KCTD16: variants seen among roughly 807,000 people sequenced by gnomAD.
KCTD16 encodes the protein potassium channel tetramerization domain containing 16.
KCTD16 carries 13 observed loss-of-function variants against 33.2 expected under a neutral mutation model. The ratio of observed to expected loss-of-function variants is 0.39; its 90% CI spans 0.25 to 0.62. KCTD16 has a LOEUF of 0.62. Among genes scored for constraint, KCTD16 ranks in the 20% least tolerant of loss-of-function variants. The pLI is 0.50. For missense variants in KCTD16, 441 were observed against 525.1 expected (o/e 0.84, Z 1.57); for synonymous variants, 197 against 195.3 (o/e 1.01, Z -0.07).
intron 3 of KCTD16, among the ~76,000 whole-genome samples, chr5:144,298,221 G>T (rs1409898938): frequency 6.6e-6 from 1 of 152,176 alleles, no homozygotes; most frequent in Non-Finnish European, 1.5e-5. Flanking sequence ...AATCCGTGAG[G>T]CCAAGAGTCC....
intron 3 of KCTD16, among the ~76,000 whole-genome samples, chr5:144,362,224 G>C (rs1361096009): frequency 6.6e-6 from 1 of 152,136 alleles, no homozygotes; most frequent in Non-Finnish European, 1.5e-5. Context: ...TCAGGGCCCA[G>C]TAGGCAAAGT....
chr5:144,409,506 G>C (rs1030193008), intron 3 of KCTD16, among the ~76,000 whole-genome samples: 4 of 151,996 alleles, frequency 2.6e-5, no homozygotes, highest in Non-Finnish European at 5.9e-5. Flanking sequence ...ACAGCAATGA[G>C]CAAGACCATC....
chr5:144,410,518 G>GA (rs1752910261), intron 3 of KCTD16, among the ~76,000 whole-genome samples: 1 of 152,048 alleles, frequency 6.6e-6, no homozygotes, highest in Non-Finnish European at 1.5e-5. Flanking sequence ...ACTAATACTA[G>GA]ATTGTACAGT....
chr5:144,424,991 TA>T (rs1430567513), intron 3 of KCTD16, among the ~76,000 whole-genome samples: 1 of 152,060 alleles, frequency 6.6e-6, no homozygotes. Context: ...TCCCAAATCT[TA>T]ACTCATTCAA....
intron 3 of KCTD16, among the ~76,000 whole-genome samples, chr5:144,236,512 GTTATAGCTCTC>G (rs1754258328): frequency 6.6e-6 from 1 of 152,054 alleles, no homozygotes; most frequent in African/African-American, 2.4e-5. Flanking sequence ...TAAAAATATG[GTTATAGCTCTC>G]TTATAGTAAT....
chr5:144,244,755 C>T (rs73310791), intron 3 of KCTD16, among the ~76,000 whole-genome samples: 7,987 of 152,170 alleles, frequency 0.052, 631 homozygotes, highest in African/African-American at 0.17. Flanking sequence ...CTGCCAGGAG[C>T]CTTTTGTGGT....
At chr5:144,423,029 C>T (rs1005584594) in intron 3 of KCTD16, among the ~76,000 whole-genome samples, 1 of 152,044 alleles carries the variant, frequency 6.6e-6, no homozygotes, top group African/African-American at 2.4e-5. Flanking sequence ...ATTTGAGTCA[C>T]TTGAATGACA....
chr5:144,292,735 C>G (rs531837597), intron 3 of KCTD16, among the ~76,000 whole-genome samples: 23 of 152,244 alleles, frequency 1.5e-4, no homozygotes, highest in African/African-American at 5.5e-4. Context: ...GGAGAAGAAG[C>G]TGAGAGTTAG....
chr5:144,354,275 A>G (rs1399547265), intron 3 of KCTD16, among the ~76,000 whole-genome samples: 2 of 152,188 alleles, frequency 1.3e-5, no homozygotes, highest in Non-Finnish European at 2.9e-5. Context: ...TAAGTTTATT[A>G]TATATGTGTA....
intron 3 of KCTD16, among the ~76,000 whole-genome samples, chr5:144,390,335 T>C (rs539649325): frequency 6.6e-6 from 1 of 152,108 alleles, no homozygotes; most frequent in Non-Finnish European, 1.5e-5. Context: ...AATAGTGATG[T>C]GTTTGAAGGA....
chr5:144,213,140 C>T (rs1196687360), intron 3 of KCTD16, among the ~76,000 whole-genome samples: 1 of 151,916 alleles, frequency 6.6e-6, no homozygotes, highest in Non-Finnish European at 1.5e-5. Flanking sequence ...TTTAAAGTTT[C>T]CTGATTTCTT....
intron 2 of KCTD16, among the ~76,000 whole-genome samples, chr5:144,201,687 G>A (rs987178751): frequency 1.3e-5 from 2 of 152,192 alleles, no homozygotes; most frequent in African/African-American, 4.8e-5. Flanking sequence ...AAGTCACACA[G>A]CCAGCCAGGC....
chr5:144,207,261 G>A lies in KCTD16; in HGVS notation c.547G>A (p.Asp183Asn). 1 of 1,614,232 alleles carries A rather than the reference G, an allele frequency of 6.2e-7. No individual in the cohort carries two copies. The highest frequency in any genetic ancestry group is 1.7e-5 in the Admixed American group (1 of 60,032). Residue 183 changes from aspartate to asparagine, a missense_variant, in exon 3 of 4, where the codon GAT becomes AAT. Asp to Asn is a conservative substitution (Grantham distance 23, BLOSUM62 1). Transcript: ENST00000512467. ...SCTLGREGQA[D>N]AKFRRVPRIL... ...CACCTTGGGCAGAGAGGGACAGGCA[G>A]ATGCCAAGTTTCGGAGAGTTCCCCG...
At chr5:144,200,606 TTATAGA>T (rs1753025752) in intron 2 of KCTD16, among the ~76,000 whole-genome samples, 2 of 152,354 alleles carry the variant, frequency 1.3e-5, no homozygotes, top group South Asian at 4.1e-4. Flanking sequence ...TGGTTTCATT[TTATAGA>T]TATGGAAGCA....
intron 3 of KCTD16, among the ~76,000 whole-genome samples, chr5:144,263,258 A>G (rs1056960838): frequency 1.3e-5 from 2 of 152,240 alleles, no homozygotes; most frequent in Non-Finnish European, 2.9e-5. Flanking sequence ...ATGTAATGGT[A>G]CAGGAGATGT....
At position 144,198,241 on chromosome 5, in the gene KCTD16, G is replaced by A. The variant is rs187485139; in HGVS notation, c.-326-8148G>A. ...TTCATTGGGCCATTCTGAGGATTTC[G>A]CTCTTGGTTCTGCAATTAAATTAAA... On this transcript the variant is annotated intron_variant, in intron 2 of 3. Transcript: ENST00000512467. Among the ~76,000 whole-genome samples the A allele has an allele frequency of 4.6e-4, 70 of 152,160 alleles. 1 individual carries two copies. Among genetic ancestry groups the A allele is most frequent in the Admixed American group, 1.4e-3 (22 of 15,274 alleles).
intron 3 of KCTD16, among the ~76,000 whole-genome samples, chr5:144,217,782 AC>A (rs1753610526): frequency 6.6e-6 from 1 of 151,984 alleles, no homozygotes; most frequent in Non-Finnish European, 1.5e-5. Context: ...ATCTGCATAT[AC>A]TTCATTGATT....
At chr5:144,304,605 T>C (rs1751541551) in intron 3 of KCTD16, among the ~76,000 whole-genome samples, 1 of 152,214 alleles carries the variant, frequency 6.6e-6, no homozygotes, top group Admixed American at 6.5e-5. Context: ...AAACATTATA[T>C]GGAAGAAGTG....
intron 2 of KCTD16, chr5:144,205,558 G>T: frequency 2.5e-6 from 1 of 398,796 alleles, no homozygotes. Flanking sequence ...AGGTGGGGTG[G>T]CTACCTGGGA....
Sources: gnomAD v4.1 joint callset for allele counts (sites outside exome capture counted in the v4.1 genomes callset) on GRCh38, gnomAD v4.1.1 for gene constraint, MANE v1.5 for transcripts, NCBI Gene and HGNC (gene_info 2026-07-23, HGNC 2026-07-21) for gene names.